The following ABCG2 variants were observed in gnomAD, a reference collection of about 807,000 sequenced individuals.
ABCG2 encodes ATP binding cassette subfamily G member 2 (JR blood group).
In ABCG2, 80 loss-of-function variants were observed where a neutral mutation model predicts 73.5. The ratio of observed to expected loss-of-function variants is 1.09; its 90% confidence interval spans 0.91 to 1.31. ABCG2 has a LOEUF of 1.31. Ranked by LOEUF, ABCG2 falls within the 50% of genes most tolerant of loss-of-function variation. ABCG2 has a pLI of 0.00. For synonymous variants in ABCG2, 269 were observed against 282.4 expected (o/e 0.95, Z 0.48); for missense variants, 796 against 786.2 (o/e 1.01, Z -0.15).
At chr4:88,193,254 A>G (rs1366993453) in intron 1 of ABCG2, among the ~76,000 whole-genome samples, 6 of 152,124 alleles carry the variant, frequency 3.9e-5, no homozygotes, top group Admixed American at 6.5e-5. Flanking sequence ...CTATAAAATT[A>G]TAAGATGAAC....
At chr4:88,116,032 T>TA (rs758507463) in intron 7 of ABCG2, among the ~76,000 whole-genome samples, 4 of 152,146 alleles carry the variant, frequency 2.6e-5, no homozygotes, top group Non-Finnish European at 4.4e-5. Context: ...CCATCTCTAC[T>TA]AAAAACACAA....
upstream of ABCG2, chr4:88,159,471 C>T (rs1727186646): frequency 3.0e-6 from 1 of 336,320 alleles, no homozygotes; most frequent in South Asian, 2.2e-5. Context: ...ATTCTTTACA[C>T]TCCTGTGACT....
At chr4:88,221,988 C>T (rs997674351) in intron 1 of ABCG2, among the ~76,000 whole-genome samples, 1 of 152,220 alleles carries the variant, frequency 6.6e-6, no homozygotes. Flanking sequence ...CAACCCATCA[C>T]AGTCCCTGAA....
At chr4:88,111,871 G>A (rs574478940) in intron 9 of ABCG2, among the ~76,000 whole-genome samples, 11 of 152,188 alleles carry the variant, frequency 7.2e-5, no homozygotes, top group Admixed American at 3.9e-4. Flanking sequence ...CAGGAGGATC[G>A]CTTGAGCCCA....
At chr4:88,182,953 C>T (rs181507639) in intron 1 of ABCG2, among the ~76,000 whole-genome samples, 13 of 151,808 alleles carry the variant, frequency 8.6e-5, no homozygotes, top group South Asian at 8.3e-4. Context: ...GGCATGGCGG[C>T]GGGCACCTGT....
chr4:88,161,368 G>A (rs1201374535), upstream of ABCG2, among the ~76,000 whole-genome samples: 2 of 81,018 alleles, frequency 2.5e-5, no homozygotes, highest in East Asian at 7.3e-4. Context: ...TCCCCTTCCT[G>A]TGTCCAAGTG....
At chr4:88,095,655 A>C (rs758387303) in intron 13 of ABCG2, 46 bp from the exon 14 acceptor site, 2 of 1,491,436 alleles carry the variant, frequency 1.3e-6, no homozygotes, top group Admixed American at 3.4e-5. Flanking sequence ...GAGTAATTTC[A>C]TGCAGAATTC....
At chr4:88,172,595 T>A (rs200623839) in intron 1 of ABCG2, among the ~76,000 whole-genome samples, 7,065 of 114,370 alleles carry the variant, frequency 0.062, 266 homozygotes, top group South Asian at 0.15. Flanking sequence ...AAAAAAAAAA[T>A]TAATTAATTA....
At chr4:88,189,609 C>G (rs1728602307) in intron 1 of ABCG2, among the ~76,000 whole-genome samples, 1 of 152,006 alleles carries the variant, frequency 6.6e-6, no homozygotes, top group African/African-American at 2.4e-5. Context: ...CTCTATTTTG[C>G]TGAATTTATT....
intron 5 of ABCG2, among the ~76,000 whole-genome samples, chr4:88,128,472 C>T (rs1033428535): frequency 5.3e-5 from 8 of 152,104 alleles, no homozygotes; most frequent in Admixed American, 2.0e-4. Context: ...CACATGCACA[C>T]ATGTATTTAT....
Position 88,090,983 on chromosome 4 carries a change from A to G in ABCG2, c.*1251T>C, listed in dbSNP as rs556533547. ...TATTTCCAAATTAAAAGTTTATTAA[A>G]AAGTGGGGAGATAATTAAGTATCAA... On this transcript the variant is annotated 3_prime_UTR_variant, in exon 16 of 16. Coordinates refer to ENST00000237612, the MANE Select transcript of ABCG2 (RefSeq NM_004827.3). 1.8e-4 allele frequency: 27 copies of G among 152,376 alleles called. No homozygotes were observed. Among genetic ancestry groups the G allele is most frequent in the Middle Eastern group, 3.4e-3 (1 of 294 alleles). 9.4% of individuals were successfully genotyped at this position (152,376 alleles called of 1,614,324 possible). A position where few individuals can be genotyped will look rare whatever the true frequency, so the allele number is the denominator to read the frequency against.
chr4:88,125,689 A>T (rs1448366280), intron 5 of ABCG2, among the ~76,000 whole-genome samples: 2 of 151,478 alleles, frequency 1.3e-5, no homozygotes, highest in East Asian at 3.9e-4. Flanking sequence ...CTATTGGATA[A>T]ATAATGAAAT....
At chr4:88,095,263 T>C (rs570387743) in intron 14 of ABCG2, among the ~76,000 whole-genome samples, 1 of 152,366 alleles carries the variant, frequency 6.6e-6, no homozygotes, top group Admixed American at 6.5e-5. Context: ...GTGTTTTTCA[T>C]CAATTAGCCA....
rs963101992 is a variant in ABCG2, at chr4:88,158,639, T to G, written c.-273A>C. On this transcript the variant is annotated 5_prime_UTR_variant, in exon 1 of 16. Transcript: ENST00000237612. ...CAATCTCAGTGGGAGTGGCGGGCAC[T>G]GCCTCTTCCCTCCTGCGCGCCCGGA... The G allele has an allele frequency of 4.4e-6, 2 of 456,124 alleles. No homozygotes were observed. Among genetic ancestry groups the G allele is most frequent in the African/African-American group, 4.0e-5 (2 of 50,062 alleles). 28.3% of individuals were successfully genotyped at this position (456,124 alleles called of 1,614,324 possible). A position where few individuals can be genotyped will look rare whatever the true frequency, so the allele number is the denominator to read the frequency against.
In ABCG2 at chr4:88,164,625, T is replaced by C. The variant is rs141379351; in HGVS notation, c.-19-24611A>G. On this transcript the variant is annotated intron_variant, in intron 1 of 15. Transcript: ENST00000515655. ...CTCCCTAGCCAGGCTGAACTGTGAGTCAATTAACCTCTTTCCTTTATAAAT... is the reference window on the plus strand; with the variant it reads ...CTCCCTAGCCAGGCTGAACTGTGAGCCAATTAACCTCTTTCCTTTATAAAT... 6.4e-3 allele frequency among the ~76,000 whole-genome samples: 969 copies of C among 152,284 alleles called. 5 individuals carry two copies. The highest frequency in any genetic ancestry group is 0.011 in the Non-Finnish European group (722 of 68,032).
At chr4:88,168,349 T>C (rs983814676) in intron 1 of ABCG2, among the ~76,000 whole-genome samples, 2 of 152,028 alleles carry the variant, frequency 1.3e-5, no homozygotes, top group South Asian at 2.1e-4. Flanking sequence ...TAGCTGAGCA[T>C]GGTGGCATGC....
chr4:88,170,507 C>A (rs935481838), intron 1 of ABCG2, among the ~76,000 whole-genome samples: 7 of 152,214 alleles, frequency 4.6e-5, no homozygotes, highest in Admixed American at 3.9e-4. Context: ...CTTGGATGAG[C>A]CCACGAAGGT....
chr4:88,140,414 T>G lies in ABCG2; in HGVS notation c.-19-400A>C, dbSNP rs572447408. On this transcript the variant is annotated intron_variant, in intron 1 of 15. Coordinates refer to ENST00000237612, the MANE Select transcript of ABCG2 (RefSeq NM_004827.3). ...GCTCATCATCAGAATCTCTGTATTT[T>G]TTTTCAAGACCAGCCTGGCCAACAT... Among the ~76,000 whole-genome samples, 5 of 152,254 alleles carry G rather than the reference T, an allele frequency of 3.3e-5. No homozygotes were observed. The South Asian group carries it at 1.0e-3, about 32-fold the overall frequency.
intron 10 of ABCG2, 100 bp downstream of exon 10, chr4:88,107,084 T>A (rs35518113): frequency 1.9e-5 from 17 of 880,384 alleles, no homozygotes; most frequent in Admixed American, 2.6e-5. Context: ...AAGAATGACA[T>A]TTACACTATA....
Sources: gnomAD v4.1 joint callset for allele counts (sites outside exome capture counted in the v4.1 genomes callset) on GRCh38, gnomAD v4.1.1 for gene constraint, MANE v1.5 for transcripts, NCBI Gene and HGNC (gene_info 2026-07-23, HGNC 2026-07-21) for gene names.